Variants in CSTPP1 observed in about 807,000 individuals in gnomAD.
CSTPP1 encodes UPF0705 protein C11orf49.
chr11:47,046,952 G>A, the CSTPP1 span, among the ~76,000 whole-genome samples: 32 of 150,254 alleles, frequency 2.1e-4, no homozygotes, highest in African/African-American at 7.3e-4. Context: ...CCAGGCTGGA[G>A]TGCAGTGGCT....
At chr11:47,065,965 T>C in the CSTPP1 span, among the ~76,000 whole-genome samples, 6 of 84,808 alleles carry the variant, frequency 7.1e-5, no homozygotes, top group African/African-American at 2.3e-4. Context: ...ATTCATTTAT[T>C]AGGTCTAACA....
chr11:47,137,613 AC>A, the CSTPP1 span: 5 of 1,613,988 alleles, frequency 3.1e-6, no homozygotes, highest in Admixed American at 8.3e-5. Flanking sequence ...AAATGCAGAG[AC>A]CTAATGTGTT....
At chr11:47,060,916 T>C in the CSTPP1 span, among the ~76,000 whole-genome samples, 3 of 152,132 alleles carry the variant, frequency 2.0e-5, no homozygotes, top group Non-Finnish European at 2.9e-5. Context: ...CATAGACCCG[T>C]TAGGAGACTA....
the CSTPP1 span, among the ~76,000 whole-genome samples, chr11:46,965,905 G>A: frequency 6.6e-6 from 1 of 152,158 alleles, no homozygotes; most frequent in Non-Finnish European, 1.5e-5. Context: ...ACTACGAAAG[G>A]ACATTTTACC....
At chr11:47,149,051 C>T in the CSTPP1 span, among the ~76,000 whole-genome samples, 1 of 152,234 alleles carries the variant, frequency 6.6e-6, no homozygotes, top group Non-Finnish European at 1.5e-5. Flanking sequence ...ATCCCAGCTG[C>T]TGGAAGTCAG....
chr11:46,936,794 C>T, the CSTPP1 span: 4 of 1,610,486 alleles, frequency 2.5e-6, no homozygotes, highest in Admixed American at 3.4e-5. Context: ...TTGAAGCCAC[C>T]CCGGTCAAAG....
the CSTPP1 span, among the ~76,000 whole-genome samples, chr11:47,077,196 G>GTTTTTTTTTTTTTTTTTTT: frequency 2.2e-5 from 3 of 135,522 alleles, no homozygotes; most frequent in Non-Finnish European, 3.3e-5. Context: ...GGATAAAGTT[G>GTTTTTTTTTTTTTTTTTTT]TTTTTTTTTT....
chr11:47,161,196 T>A, the CSTPP1 span: 1 of 1,614,128 alleles, frequency 6.2e-7, no homozygotes, highest in Non-Finnish European at 8.5e-7. Context: ...CGGCTGTAAG[T>A]GTCAAGTGGG....
chr11:46,974,444 C>T, the CSTPP1 span, among the ~76,000 whole-genome samples: 1 of 150,260 alleles, frequency 6.7e-6, no homozygotes. Flanking sequence ...AGGAGAATCA[C>T]TTGAATCTGG....
chr11:47,075,603 G>C, the CSTPP1 span, among the ~76,000 whole-genome samples: 38 of 152,080 alleles, frequency 2.5e-4, 1 homozygote, highest in South Asian at 7.9e-3. Flanking sequence ...AAGGGTTCAA[G>C]AATTGGAGGT....
the CSTPP1 span, among the ~76,000 whole-genome samples, chr11:47,094,276 A>G: frequency 6.6e-6 from 1 of 152,330 alleles, no homozygotes; most frequent in African/African-American, 2.4e-5. Context: ...TACAGTTATA[A>G]AGGCAGAGGA....
the CSTPP1 span, among the ~76,000 whole-genome samples, chr11:47,009,821 GA>G: frequency 2.1e-5 from 3 of 142,026 alleles, no homozygotes; most frequent in Non-Finnish European, 3.1e-5. Flanking sequence ...GTCTCAAAAA[GA>G]AAAAAAAAAG....
chr11:47,040,540 G>A, the CSTPP1 span, among the ~76,000 whole-genome samples: 1 of 126,186 alleles, frequency 7.9e-6, no homozygotes, highest in African/African-American at 2.5e-5. Context: ...GGTTTTTTGA[G>A]GGGATTTACA....
At chr11:47,109,526 A>T in the CSTPP1 span, among the ~76,000 whole-genome samples, 1 of 152,224 alleles carries the variant, frequency 6.6e-6, no homozygotes, top group Non-Finnish European at 1.5e-5. Flanking sequence ...TGGATAATCC[A>T]GTGGAATTCT....
the CSTPP1 span, among the ~76,000 whole-genome samples, chr11:47,091,266 C>T: frequency 6.6e-6 from 1 of 151,042 alleles, no homozygotes; most frequent in Non-Finnish European, 1.5e-5. Flanking sequence ...TCCAGCTACT[C>T]GGGAGGCTGA....
chr11:47,158,749 G>A, the CSTPP1 span, among the ~76,000 whole-genome samples: 1 of 152,130 alleles, frequency 6.6e-6, no homozygotes, highest in African/African-American at 2.4e-5. Context: ...TGCCCAGGCT[G>A]GTTTCAAACT....
At chr11:47,032,712 C>T in the CSTPP1 span, among the ~76,000 whole-genome samples, 1 of 151,936 alleles carries the variant, frequency 6.6e-6, no homozygotes, top group African/African-American at 2.4e-5. Flanking sequence ...CATTCAGATC[C>T]CTGTGAATTG....
chr11:47,019,341 T>G, the CSTPP1 span, among the ~76,000 whole-genome samples: 1 of 152,174 alleles, frequency 6.6e-6, no homozygotes, highest in Non-Finnish European at 1.5e-5. Context: ...TTTCAAGAAC[T>G]TTTTCTTTGC....
chr11:47,072,674 AAT>A, the CSTPP1 span, among the ~76,000 whole-genome samples: 4 of 151,834 alleles, frequency 2.6e-5, no homozygotes, highest in East Asian at 1.9e-4. Context: ...TTAATTAGAA[AAT>A]ATATATATAT....
Sources: allele counts gnomAD v4.1 joint callset (sites outside exome capture counted in the v4.1 genomes callset), GRCh38; gene constraint gnomAD v4.1.1; transcripts MANE v1.5; gene names NCBI Gene and HGNC (gene_info 2026-07-23, HGNC 2026-07-21).